SETD7: variants seen among roughly 807,000 people sequenced by gnomAD.
The protein encoded by SETD7 is SET domain containing 7, histone lysine methyltransferase, also known as histone-lysine N-methyltransferase SETD7.
In SETD7, 16 loss-of-function variants were observed where a neutral mutation model predicts 41.8. That is an observed-to-expected ratio of 0.38 (90% CI 0.26 to 0.58). SETD7 has a LOEUF of 0.58. Ranked by LOEUF, SETD7 falls within the 20% of genes least tolerant of loss-of-function variation. The pLI, the probability that SETD7 is intolerant of heterozygous loss-of-function variation, is 0.64. For missense variants in SETD7, 346 were observed against 459.7 expected (o/e 0.75, Z 2.26); for synonymous variants, 163 against 169.7 (o/e 0.96, Z 0.31).
rs536040467 is a variant in SETD7, at chr4:139,496,441, G to C, written c.1001C>G (p.Ala334Gly). 7.1e-6 allele frequency: 5 copies of C among 702,480 alleles called. 1 individual carries two copies. The South Asian group carries it at 7.4e-5, about 10-fold the overall frequency. 43.5% of individuals were successfully genotyped at this position (702,480 alleles called of 1,614,324 possible). Reference sequence around the variant, plus strand: ...AGCTTTTCTGTGTTCTACCCAGGGCGCTTGATCCAGATGTGGGATCTTTGG... The same window carrying C: ...AGCTTTTCTGTGTTCTACCCAGGGCCCTTGATCCAGATGTGGGATCTTTGG... Residue 334 changes from alanine (A) to glycine (G), a missense_variant, in exon 8 of 8, where the codon GCG becomes GGG. Physicochemically the swap from Ala to Gly is moderately conservative, Grantham distance 60. Coordinates refer to the SETD7 transcript ENST00000506866.
At chr4:139,537,860 T>C (rs1579218850) in intron 2 of SETD7, among the ~76,000 whole-genome samples, 1 of 152,348 alleles carries the variant, frequency 6.6e-6, no homozygotes, top group Middle Eastern at 3.4e-3. Flanking sequence ...TATGCTTCAT[T>C]TCTTCATTTG....
downstream of SETD7, among the ~76,000 whole-genome samples, chr4:139,494,796 C>T (rs1054345307): frequency 6.6e-6 from 1 of 152,192 alleles, no homozygotes; most frequent in Non-Finnish European, 1.5e-5. Flanking sequence ...GCAGCATCCT[C>T]GCGGTTCACT....
At chr4:139,513,452 C>T (rs1472783621) in intron 7 of SETD7, among the ~76,000 whole-genome samples, 5 of 151,004 alleles carry the variant, frequency 3.3e-5, no homozygotes, top group African/African-American at 1.2e-4. Context: ...AAGATTGGTG[C>T]TTGGGGCATG....
downstream of SETD7, among the ~76,000 whole-genome samples, chr4:139,505,554 AC>A (rs1244213016): frequency 6.6e-6 from 1 of 151,906 alleles, no homozygotes; most frequent in Non-Finnish European, 1.5e-5. Context: ...GCACCACTGC[AC>A]TCCAGCCTGG....
In SETD7 at chr4:139,507,384, G is replaced by GA. The variant is rs1726734664; in HGVS notation, c.*4278_*4279insT. ...CCTACGAGCTCTCTCCACGTCAGGT[G>GA]CAACAACGCCGAGGAAGTTGCTGAG... On this transcript the variant is annotated 3_prime_UTR_variant, in exon 8 of 8. Coordinates refer to ENST00000274031, the MANE Select transcript of SETD7 (RefSeq NM_030648.4). 6.6e-6 allele frequency: 1 copy of GA among 152,574 alleles called. No individual in the cohort carries two copies. Among genetic ancestry groups the GA allele is most frequent in the Admixed American group, 6.5e-5 (1 of 15,294 alleles). The allele number at this position is 152,574 out of a possible 1,614,324, so 9.5% of individuals were successfully genotyped here.
chr4:139,529,006 C>T, intron 4 of SETD7, 25 bp downstream of exon 4: 10 of 1,605,248 alleles, frequency 6.2e-6, no homozygotes, highest in Non-Finnish European at 8.5e-6. Context: ...ATTGGAGCAA[C>T]CCATCTGAAG....
Position 139,523,591 on chromosome 4 carries a change from A to G in SETD7, c.563-156T>C, listed in dbSNP as rs149365240. ...GAAGTTCTTCAATTTAAATGGATAC[A>G]TTTTAGATTTACGCTTCAGTTTTAT... On this transcript the variant is annotated intron_variant, in intron 4 of 7. Transcript: ENST00000274031. 2.6e-5 allele frequency among the ~76,000 whole-genome samples: 4 copies of G among 152,372 alleles called. No individual in the cohort carries two copies. The East Asian group carries it at 7.7e-4, about 29-fold the overall frequency.
chr4:139,505,137 CAGG>C (rs1001342213), downstream of SETD7, among the ~76,000 whole-genome samples: 26 of 152,232 alleles, frequency 1.7e-4, no homozygotes, highest in African/African-American at 5.1e-4. Context: ...TAAAATAAAG[CAGG>C]AGATCTCATG....
At position 139,511,335 on chromosome 4, in the gene SETD7, A is replaced by C. The variant is rs1726864625; in HGVS notation, c.*328T>G. On this transcript the variant is annotated 3_prime_UTR_variant, in exon 8 of 8. Transcript: ENST00000274031. ...ACCACTGACTAAAAATGACTGAAAA[A>C]CCCCGTTTCCCTGTTTCAGTCTAAT... 1 of 300,334 alleles carries C rather than the reference A, an allele frequency of 3.3e-6. No individual in the cohort carries two copies. Among genetic ancestry groups the C allele is most frequent in the South Asian group, 3.5e-5 (1 of 28,394 alleles). The allele number at this position is 300,334 out of a possible 1,614,324, so 18.6% of individuals were successfully genotyped here. A position where few individuals can be genotyped will look rare whatever the true frequency, so the allele number is the denominator to read the frequency against.
At chr4:139,522,610 T>C (rs544114838) in intron 5 of SETD7, among the ~76,000 whole-genome samples, 37 of 152,264 alleles carry the variant, frequency 2.4e-4, no homozygotes, top group Admixed American at 2.2e-3. Flanking sequence ...AATGGAGGCA[T>C]CCTGTGTGCA....
chr4:139,518,210 C>T (rs1219102638), intron 6 of SETD7, among the ~76,000 whole-genome samples, 168 bp from the exon 7 acceptor site: 3 of 152,234 alleles, frequency 2.0e-5, no homozygotes, highest in Non-Finnish European at 4.4e-5. Flanking sequence ...CTCACCACAA[C>T]CTCTGCCTCC....
chr4:139,553,845 T>C (rs1266648069), intron 1 of SETD7, among the ~76,000 whole-genome samples: 2 of 152,208 alleles, frequency 1.3e-5, no homozygotes. Context: ...CTAGCTTCTC[T>C]TTGGGAAAGA....
At chr4:139,518,181 G>C in intron 6 of SETD7, 139 bp from the exon 7 acceptor site, 1 of 897,402 alleles carries the variant, frequency 1.1e-6, no homozygotes, top group Non-Finnish European at 1.6e-6. Flanking sequence ...AGGCTGGAGC[G>C]CAAGTAGCGT....
intron 2 of SETD7, among the ~76,000 whole-genome samples, chr4:139,540,401 G>T (rs1459550626): frequency 6.6e-6 from 1 of 152,184 alleles, no homozygotes; most frequent in East Asian, 1.9e-4. Context: ...ATTAAAGAAT[G>T]GAAGAAAGGC....
At chr4:139,521,970 T>C (rs1166804100) in intron 5 of SETD7, among the ~76,000 whole-genome samples, 1 of 152,222 alleles carries the variant, frequency 6.6e-6, no homozygotes, top group African/African-American at 2.4e-5. Flanking sequence ...AGCCAACCTA[T>C]AGAACTATGG....
intron 7 of SETD7, among the ~76,000 whole-genome samples, chr4:139,515,477 T>G (rs1727000262): frequency 6.6e-6 from 1 of 152,208 alleles, no homozygotes; most frequent in South Asian, 2.1e-4. Flanking sequence ...ACAACCTGGT[T>G]TGTTTTAAAG....
chr4:139,541,924 G>C (rs938700748), intron 2 of SETD7, among the ~76,000 whole-genome samples: 2 of 152,166 alleles, frequency 1.3e-5, no homozygotes, highest in South Asian at 4.1e-4. Context: ...ATATGCTGAA[G>C]AGGTATGTGC....
downstream of SETD7, among the ~76,000 whole-genome samples, chr4:139,504,851 T>C (rs1726663372): frequency 6.6e-6 from 1 of 152,202 alleles, no homozygotes; most frequent in South Asian, 2.1e-4. Flanking sequence ...AATCTTTCAC[T>C]TTCAAGGTTA....
intron 7 of SETD7, chr4:139,496,646 C>G: frequency 3.3e-6 from 2 of 609,492 alleles, no homozygotes; most frequent in South Asian, 2.0e-5. Context: ...TTTTCTAAAT[C>G]TTCTCCATCC....
Sources: allele counts gnomAD v4.1 joint callset (sites outside exome capture counted in the v4.1 genomes callset), GRCh38; gene constraint gnomAD v4.1.1; transcripts MANE v1.5; gene names NCBI Gene and HGNC (gene_info 2026-07-23, HGNC 2026-07-21).